PCNX3: variants seen among roughly 807,000 people sequenced by gnomAD.
PCNX3 encodes the protein pecanex 3.
A neutral mutation model predicts 207.2 loss-of-function variants in PCNX3; 58 were observed. The observed-to-expected ratio is 0.28, with a 90% CI of 0.23 to 0.35. PCNX3 has a LOEUF of 0.35. PCNX3 is among the 10% of genes least tolerant of loss of function. The probability of loss-of-function intolerance (pLI) is 1.00; values close to 1 mark genes in which losing one functional copy is unlikely to be tolerated. For missense variants in PCNX3, 2,410 were observed against 2,774.4 expected (o/e 0.87, Z 2.95); for synonymous variants, 1,337 against 1,183.5 (o/e 1.13, Z -2.66).
Position 65,616,425 on chromosome 11 carries a change from C to T in PCNX3, c.114C>T (p.Val38=), listed in dbSNP as rs7947140. 7.5e-6 allele frequency: 12 copies of T among 1,609,938 alleles called. No homozygotes were observed. The highest frequency in any genetic ancestry group is 5.5e-5 in the South Asian group (5 of 90,826). The change falls in exon 1 of 35, where the codon GTC becomes GTT. Residue 38 remains valine, a synonymous_variant. Coordinates refer to ENST00000355703, the MANE Select transcript of PCNX3 (RefSeq NM_032223.4). The stretch of plus-strand genomic sequence containing the variant: ...TCTCCAACTGCTTCCACCTCTATGT[C>T]TGGATCTTCCTGCTCATCTTTCCCT... ...STFSNCFHLY[V]WIFLLIFPFL...
At position 65,635,196 on chromosome 11, in the gene PCNX3, C is replaced by G. The variant is rs1565172983; in HGVS notation, c.4954-22C>G. The G allele has an allele frequency of 6.3e-7, 1 of 1,592,950 alleles. No homozygotes were observed. On this transcript the variant is annotated intron_variant, in intron 30 of 34. Transcript: ENST00000355703. The surrounding 1 kb of genome is among the most constrained non-coding windows in gnomAD (Gnocchi z 9.9). ...TCTCCAGGGCAGGGGCCACTGACCC[C>G]TGTTCCCGTCTTCTCTACCAGGACC...
At position 65,616,818 on chromosome 11, in the gene PCNX3, C is replaced by T. The variant is rs201168216; in HGVS notation, c.154-6C>T. The T allele has an allele frequency of 8.7e-6, 14 of 1,608,228 alleles. No homozygotes were observed. The highest frequency in any genetic ancestry group is 6.7e-5 in the East Asian group (3 of 44,732). ...GAAAAGGGACCTGGCTTACTTTCAT[C>T]TTCAGGTCCTGCCTCCCAGCTTGAT... On this transcript the variant is annotated splice_polypyrimidine_tract_variant and splice_region_variant and intron_variant, in intron 1 of 34. Coordinates refer to ENST00000355703, the MANE Select transcript of PCNX3 (RefSeq NM_032223.4).
intron 21 of PCNX3, 55 bp downstream of exon 21, chr11:65,627,103 TG>T: frequency 6.9e-7 from 1 of 1,454,066 alleles, no homozygotes; most frequent in Non-Finnish European, 9.1e-7. Flanking sequence ...TTTTGATCCG[TG>T]GGGAAACTGA....
Position 65,634,977 on chromosome 11 carries a change from G to A in PCNX3, c.4810G>A (p.Glu1604Lys). Residue 1604 changes from glutamate (E) to lysine (K), a missense_variant, in exon 30 of 35, where the codon GAG becomes AAG. Transcript: ENST00000355703. ...CCTGTTTTTCCTCCCACTTAGCCTG[G>A]AGCCCTTCCTCTACGGCCTGCACGC... is the stretch of plus-strand genomic sequence containing the variant. ...TASHSMSASL[E>K]PFLYGLHALF... 6.2e-7 allele frequency: 1 copy of A among 1,612,542 alleles called. No homozygotes were observed. Among genetic ancestry groups the A allele is most frequent in the Non-Finnish European group, 8.5e-7 (1 of 1,178,886 alleles).
intron 27 of PCNX3, 36 bp downstream of exon 27, chr11:65,630,640 T>A (rs919209098): frequency 6.3e-7 from 1 of 1,592,880 alleles, no homozygotes; most frequent in Non-Finnish European, 8.6e-7. Flanking sequence ...AGCAGGGCCC[T>A]TGCGGGTGAG....
intron 22 of PCNX3, 121 bp downstream of exon 22, chr11:65,627,703 G>A: frequency 8.2e-7 from 1 of 1,224,798 alleles, no homozygotes; most frequent in Non-Finnish European, 1.2e-6. Context: ...AGCCCCGTGG[G>A]CCTTTGCAGC....
At position 65,623,801 on chromosome 11, in the gene PCNX3, C is replaced by A. The variant is rs977427638; in HGVS notation, c.2512-128C>A. On this transcript the variant is annotated intron_variant, in intron 12 of 34. Transcript: ENST00000355703. ...TCTTTTACAAGCAAGAAAACTGAGGCTCAGGACAGTTCGGGGGCCTGACCT... is the reference window on the plus strand; with the variant it reads ...TCTTTTACAAGCAAGAAAACTGAGGATCAGGACAGTTCGGGGGCCTGACCT... 5 of 1,535,600 alleles carry A rather than the reference C, an allele frequency of 3.3e-6. No homozygotes were observed. The Admixed American group carries it at 8.7e-5, about 27-fold the overall frequency.
At position 65,625,825 on chromosome 11, in the gene PCNX3, C is replaced by T. The variant is rs1362948418; in HGVS notation, c.3229-79C>T. Reference sequence around the variant, plus strand: ...ATCTGAGTGCCGTGGGCAGCCCCTCCCCGGCCTGTGCCAGGTGGCCCTCTG... The same window carrying T: ...ATCTGAGTGCCGTGGGCAGCCCCTCTCCGGCCTGTGCCAGGTGGCCCTCTG... On this transcript the variant is annotated intron_variant, in intron 19 of 34. Transcript: ENST00000355703. This position sits in a 1 kb window ranked among gnomAD's most constrained non-coding sequence, Gnocchi z 5.6. 7 of 1,597,100 alleles carry T rather than the reference C, an allele frequency of 4.4e-6. No homozygotes were observed. In the Admixed American group the frequency reaches 8.4e-5, roughly 19 times the overall value.
intron 27 of PCNX3, among the ~76,000 whole-genome samples, chr11:65,631,808 G>T (rs1855627205): frequency 6.6e-6 from 1 of 151,786 alleles, no homozygotes; most frequent in Admixed American, 6.6e-5. Flanking sequence ...GCCTACTGGG[G>T]CCCAGGTGAG....
At chr11:65,624,848 T>G in intron 15 of PCNX3, 77 bp from the exon 16 acceptor site, 1 of 1,410,496 alleles carries the variant, frequency 7.1e-7, no homozygotes, top group Non-Finnish European at 9.7e-7. Context: ...CCTCTGGGAG[T>G]TGAGGGGAAG....
chr11:65,634,685 C>A, intron 29 of PCNX3, 44 bp downstream of exon 29: 1 of 1,484,874 alleles, frequency 6.7e-7, no homozygotes, highest in Non-Finnish European at 9.1e-7. Flanking sequence ...CGTCCCCACC[C>A]CACCTCTTCC....
intron 21 of PCNX3, 139 bp from the exon 22 acceptor site, chr11:65,627,266 G>A (rs1855441011): frequency 1.9e-5 from 22 of 1,163,550 alleles, no homozygotes; most frequent in Non-Finnish European, 2.3e-5. Flanking sequence ...TAAGAGTCAC[G>A]GGCCCAAAAG....
In PCNX3 at chr11:65,636,202, A is replaced by C; in HGVS notation, c.5488A>C (p.Asn1830His). The C allele has an allele frequency of 6.2e-7, 1 of 1,602,726 alleles. No homozygotes were observed. The highest frequency in any genetic ancestry group is 1.3e-5 in the African/African-American group (1 of 74,778). ...RLHKGCGAGC[N>H]SGGNVDDSDC... ...TCACAAGGGCTGTGGCGCCGGCTGCAATAGTGGCGGGAACGTGGATGATTC... is the reference window on the plus strand; with the variant it reads ...TCACAAGGGCTGTGGCGCCGGCTGCCATAGTGGCGGGAACGTGGATGATTC... The change falls in exon 33 of 35, where the codon AAT becomes CAT. Residue 1830 changes from asparagine to histidine, a missense_variant. Asn to His is a moderately conservative substitution (Grantham distance 68). Around this residue, in one of 8 missense-constraint regions of PCNX3, gnomAD observed 59 missense variants for 83.9 expected, o/e 0.70. Transcript: ENST00000355703.
chr11:65,636,663 C>T lies in PCNX3; in HGVS notation c.5866C>T (p.Pro1956Ser). 4 of 1,584,810 alleles carry T rather than the reference C, an allele frequency of 2.5e-6. No homozygotes were observed. Among genetic ancestry groups the T allele is most frequent in the Non-Finnish European group, 3.4e-6 (4 of 1,167,784 alleles). ...GSDGEPASGS[P>S]KGGTPKSQAP... ...TGACGGGGAGCCAGCCTCAGGGAGC[C>T]CCAAAGGAGGTACCCCCAAATCTCA... Residue 1956 changes from proline to serine, a missense_variant, in exon 34 of 35, where the codon CCC (proline) becomes TCC (serine). Physicochemically the swap from Pro to Ser is moderately conservative, Grantham distance 74 (BLOSUM62 -1). Transcript: ENST00000355703.
chr11:65,624,839 C>T, intron 15 of PCNX3, 86 bp from the exon 16 acceptor site: 1 of 1,373,962 alleles, frequency 7.3e-7, no homozygotes, highest in African/African-American at 1.4e-5. Context: ...GGAGGCCAGC[C>T]TCTGGGAGTT....
chr11:65,636,613 G>C lies in PCNX3; in HGVS notation c.5816G>C (p.Gly1939Ala). The C allele has an allele frequency of 6.3e-7, 1 of 1,584,124 alleles. No individual in the cohort carries two copies. The highest frequency in any genetic ancestry group is 8.6e-7 in the Non-Finnish European group (1 of 1,167,598). The change falls in exon 34 of 35, where the codon GGG (glycine) becomes GCG (alanine). Residue 1939 changes from glycine to alanine, a missense_variant. By Grantham distance (60) the Gly-to-Ala change is moderately conservative. Transcript: ENST00000355703. ...GGCCCCAGTGGAAAGTGGAGCCTGG[G>C]GGGCCGGAAGGGGCTGGGAGGATCT... ...SEGPSGKWSLGGRKGLGGSDG... is the reference protein window; with the variant it reads ...SEGPSGKWSLAGRKGLGGSDG...
rs57318451 is a variant in PCNX3 at position 65,619,541 on chromosome 11, C to G, written c.1710C>G (p.Ala570=). The change falls in exon 7 of 35, where the codon GCC becomes GCG. Residue 570 remains alanine (A), a synonymous_variant. Coordinates refer to ENST00000355703, the MANE Select transcript of PCNX3 (RefSeq NM_032223.4). ...LQEEGAVGGA[A]EETGRRDRSS... ...TGGGGGCCTCTCTCTGGGCAGCGGC[C>G]GAGGAGACTGGCAGGCGGGACCGCT... The G allele has an allele frequency of 1.2e-6, 2 of 1,611,490 alleles. No individual in the cohort carries two copies. The highest frequency in any genetic ancestry group is 8.5e-7 in the Non-Finnish European group (1 of 1,179,662).
In PCNX3 at chr11:65,618,933, A is replaced by C. The variant is rs200692281; in HGVS notation, c.1571A>C (p.Glu524Ala). 8,970 of 1,607,052 alleles carry C rather than the reference A, an allele frequency of 5.6e-3. 45 individuals carry two copies. The highest frequency in any genetic ancestry group is 7.0e-3 in the Non-Finnish European group (8,221 of 1,177,974). ...CCCCCACTGGCTGGCTGCAAGGCAG[A>C]GCTGGAGGCCCAGGTTGGGGTGGAG... ...LRPPLAGCKA[E>A]LEAQVGVEQA... Residue 524 changes from glutamate to alanine, a missense_variant, in exon 6 of 35, where the codon GAG (glutamate) becomes GCG (alanine). Glu to Ala is a moderately radical substitution (Grantham distance 107). Around this residue, in one of 8 missense-constraint regions of PCNX3, gnomAD observed 1,104 missense variants for 970.3 expected, o/e 1.14. Transcript: ENST00000355703.
In PCNX3 at chr11:65,618,884, G is replaced by A. The variant is rs974470612; in HGVS notation, c.1522G>A (p.Gly508Arg). ...ACATGCCCGTGTGCTGAGCATGGAT[G>A]GGGCTGGGGGTGATGTTCTGAGGCC... is the stretch of plus-strand genomic sequence containing the variant. ...KTHARVLSMD[G>R]AGGDVLRPPL... Residue 508 changes from glycine (G) to arginine (R), a missense_variant, in exon 6 of 35, where the codon GGG becomes AGG. Coordinates refer to ENST00000355703, the MANE Select transcript of PCNX3 (RefSeq NM_032223.4). 4 of 1,610,196 alleles carry A rather than the reference G, an allele frequency of 2.5e-6. No homozygotes were observed. The highest frequency in any genetic ancestry group is 3.4e-6 in the Non-Finnish European group (4 of 1,178,948).
Sources: gnomAD v4.1 joint callset for allele counts (sites outside exome capture counted in the v4.1 genomes callset) on GRCh38, gnomAD v4.1.1 for gene constraint, gnomAD v4.1.1 regional missense constraint, Gnocchi (gnomAD v3.1) non-coding constraint, MANE v1.5 for transcripts, NCBI Gene and HGNC (gene_info 2026-07-23, HGNC 2026-07-21) for gene names.